XYLT1: variants seen among roughly 807,000 people sequenced by gnomAD.
XYLT1 encodes beta-D-xylosyltransferase 1.
Under a neutral mutation model 91.3 loss-of-function variants are expected in XYLT1, and 36 were observed. The ratio of observed to expected loss-of-function variants is 0.39; its 90% confidence interval spans 0.30 to 0.52. The LOEUF (loss-of-function observed/expected upper bound fraction) is 0.52, where lower values mean the gene tolerates loss of function less well. Ranked by LOEUF, XYLT1 falls within the 20% of genes least tolerant of loss-of-function variation. The pLI is 0.68. For missense variants in XYLT1, 1,242 were observed against 1,284.5 expected, an observed-to-expected ratio of 0.97 and a Z score of 0.51; for synonymous variants, 588 against 532.0, an observed-to-expected ratio of 1.11 and a Z score of -1.45.
intron 3 of XYLT1, among the ~76,000 whole-genome samples, chr16:17,205,336 G>C (rs2032623701): frequency 1.3e-5 from 2 of 152,232 alleles, no homozygotes; most frequent in Non-Finnish European, 2.9e-5. Flanking sequence ...CTGTTCCACT[G>C]TTGTGGTGCT....
intron 10 of XYLT1, 107 bp downstream of exon 10, chr16:17,127,559 A>C: frequency 1.5e-6 from 2 of 1,340,276 alleles, no homozygotes; most frequent in South Asian, 1.4e-5. Context: ...AGGGATCTCC[A>C]AGTCCTCTTC....
rs116504421 is a variant in XYLT1, at chr16:17,423,416, C to T, written c.363+47018G>A. On this transcript the variant is annotated intron_variant, in intron 1 of 11. Transcript: ENST00000261381. ...AAGGCTCATTCAGAACCCATTAAGG[C>T]GATTGTTTTTTCCTCAAGGGCACTT... Among the ~76,000 whole-genome samples the T allele has an allele frequency of 1.4e-4, 22 of 152,162 alleles. No homozygotes were observed. The South Asian group carries it at 3.5e-3, about 24-fold the overall frequency.
At chr16:17,373,532 T>A (rs1338406673) in intron 1 of XYLT1, among the ~76,000 whole-genome samples, 2 of 151,148 alleles carry the variant, frequency 1.3e-5, no homozygotes, top group African/African-American at 4.8e-5. Context: ...TTAAGCCAGC[T>A]GGCGGAATTT....
intron 2 of XYLT1, among the ~76,000 whole-genome samples, chr16:17,277,628 G>A (rs1003452321): frequency 6.6e-6 from 1 of 152,106 alleles, no homozygotes; most frequent in Admixed American, 6.5e-5. Flanking sequence ...GACCTCCTGT[G>A]ATCCACCTGC....
At chr16:17,331,242 T>C (rs536935643) in intron 2 of XYLT1, among the ~76,000 whole-genome samples, 1 of 152,342 alleles carries the variant, frequency 6.6e-6, no homozygotes, top group African/African-American at 2.4e-5. Flanking sequence ...GCCTTGACCA[T>C]GCCGGCCTCA....
intron 2 of XYLT1, among the ~76,000 whole-genome samples, chr16:17,335,727 C>T (rs1296885338): frequency 6.6e-6 from 1 of 150,902 alleles, no homozygotes; most frequent in Non-Finnish European, 1.5e-5. Context: ...CATTGAGTAA[C>T]TTTTCCATTT....
intron 3 of XYLT1, among the ~76,000 whole-genome samples, chr16:17,254,996 C>CTTTTTTTTT (rs34553607): frequency 8.8e-6 from 1 of 113,352 alleles, no homozygotes. Flanking sequence ...TTTTCTTTTT[C>CTTTTTTTTT]TTTTTTTTTT....
At chr16:17,158,947 C>A (rs202134938) in intron 5 of XYLT1, 38 bp from the exon 6 acceptor site, 3 of 1,575,936 alleles carry the variant, frequency 1.9e-6, no homozygotes, top group Non-Finnish European at 2.6e-6. Flanking sequence ...AGGCCAGACA[C>A]CGTGGGTACT....
intron 6 of XYLT1, among the ~76,000 whole-genome samples, chr16:17,148,333 C>A (rs1203793573): frequency 6.6e-6 from 1 of 152,202 alleles, no homozygotes; most frequent in Admixed American, 6.5e-5. Context: ...CTTTGTATTT[C>A]TCCACAGGAC....
intron 1 of XYLT1, among the ~76,000 whole-genome samples, chr16:17,421,561 G>A (rs917567721): frequency 1.3e-5 from 2 of 152,120 alleles, no homozygotes; most frequent in African/African-American, 2.4e-5. Flanking sequence ...ACTACCCTGA[G>A]GCCATCCAGC....
chr16:17,424,863 ATC>A (rs1567198374), intron 1 of XYLT1, among the ~76,000 whole-genome samples: 2 of 107,174 alleles, frequency 1.9e-5, no homozygotes, highest in Non-Finnish European at 3.7e-5. Context: ...GCAAGACTCC[ATC>A]TCAAAAAAAA....
At chr16:17,210,319 G>A (rs1409943559) in intron 3 of XYLT1, among the ~76,000 whole-genome samples, 1 of 152,170 alleles carries the variant, frequency 6.6e-6, no homozygotes, top group Non-Finnish European at 1.5e-5. Context: ...CCAACATGGT[G>A]AAACCCCGTT....
At chr16:17,180,043 C>T (rs1315919573) in intron 5 of XYLT1, among the ~76,000 whole-genome samples, 1 of 152,212 alleles carries the variant, frequency 6.6e-6, no homozygotes, top group Non-Finnish European at 1.5e-5. Context: ...CAAATGGGGA[C>T]AATGAAGGTC....
chr16:17,133,332 AGAAAAAGAAG>A (rs2030569573), intron 9 of XYLT1, among the ~76,000 whole-genome samples: 1 of 152,220 alleles, frequency 6.6e-6, no homozygotes. Flanking sequence ...TAAATGAACA[AGAAAAAGAAG>A]GAGAGTGATT....
rs561699797 is a variant in XYLT1 at position 17,163,081 on chromosome 16, T to C, written c.1290-4172A>G. On this transcript the variant is annotated intron_variant, in intron 5 of 11. Coordinates refer to ENST00000261381, the MANE Select transcript of XYLT1 (RefSeq NM_022166.4). ...TGAACATCAGAAGCTTAAGACACCT[T>C]GAACTGTGGAAAACAGTGTAAAGAC... Among the ~76,000 whole-genome samples, 3 of 152,344 alleles carry C rather than the reference T, an allele frequency of 2.0e-5. No homozygotes were observed. The South Asian group carries it at 6.2e-4, about 32-fold the overall frequency.
intron 3 of XYLT1, among the ~76,000 whole-genome samples, chr16:17,226,242 T>C (rs997005220): frequency 6.6e-6 from 1 of 152,200 alleles, no homozygotes; most frequent in Non-Finnish European, 1.5e-5. Context: ...CTTGTGACTC[T>C]GAGCAACTGA....
At chr16:17,149,367 T>C (rs1298008299) in intron 6 of XYLT1, among the ~76,000 whole-genome samples, 1 of 151,738 alleles carries the variant, frequency 6.6e-6, no homozygotes, top group Non-Finnish European at 1.5e-5. Flanking sequence ...GCAGCTAATA[T>C]AGCTAATGCT....
intron 11 of XYLT1, among the ~76,000 whole-genome samples, chr16:17,115,635 C>T (rs941445247): frequency 6.6e-6 from 1 of 151,510 alleles, no homozygotes; most frequent in Non-Finnish European, 1.5e-5. Flanking sequence ...CCGGCCACCA[C>T]ACTCGGCTAA....
intron 5 of XYLT1, among the ~76,000 whole-genome samples, chr16:17,171,329 T>A (rs76299527): frequency 0.045 from 6,815 of 152,244 alleles, 209 homozygotes; most frequent in Non-Finnish European, 0.045. Context: ...CAGTTGATAG[T>A]GTCACCAAGC....
Sources: gnomAD v4.1 joint callset for allele counts (sites outside exome capture counted in the v4.1 genomes callset) on GRCh38, gnomAD v4.1.1 for gene constraint, MANE v1.5 for transcripts, NCBI Gene and HGNC (gene_info 2026-07-23, HGNC 2026-07-21) for gene names.